The following CKAP5 variants were observed in gnomAD, a reference collection of about 807,000 sequenced individuals.
CKAP5 encodes cytoskeleton associated protein 5, also known as cytoskeleton-associated protein 5.
Under a neutral mutation model 232.8 loss-of-function variants are expected in CKAP5, and 27 were observed. That is an observed-to-expected ratio of 0.12 (90% confidence interval 0.09 to 0.16). The LOEUF (loss-of-function observed/expected upper bound fraction) is 0.16, where lower values mean the gene tolerates loss of function less well. Among genes scored for constraint, CKAP5 ranks in the 10% least tolerant of loss-of-function variants. The pLI is 1.00. For missense variants in CKAP5, 1,838 were observed against 2,424.7 expected (o/e 0.76, Z 5.08); for synonymous variants, 785 against 841.1 (o/e 0.93, Z 1.16).
At chr11:46,779,519 CAG>C (rs1378563340) in intron 20 of CKAP5, among the ~76,000 whole-genome samples, 1 of 152,094 alleles carries the variant, frequency 6.6e-6, no homozygotes. Flanking sequence ...TCCAGAAAGA[CAG>C]AGTCTCAGTA....
intron 28 of CKAP5, 58 bp from the exon 29 acceptor site, chr11:46,763,688 G>A: frequency 4.9e-6 from 6 of 1,236,356 alleles, no homozygotes; most frequent in Non-Finnish European, 6.5e-6. Context: ...ATGAGGTAGA[G>A]AGCCTTATAT....
rs746524477 is a variant in CKAP5, at chr11:46,770,080, C to T, written c.3205G>A (p.Val1069Ile). ...GKLKPTSKDQVLAMLEKAKVN... is the reference protein window; with the variant it reads ...GKLKPTSKDQILAMLEKAKVN... ...TTGGCTTTCTCTAGCATGGCCAATA[C>T]CTGATCTTTAGAAGTTGGCTAGAGA... Residue 1069 changes from valine to isoleucine, a missense_variant, in exon 26 of 44, where the codon GTA (valine) becomes ATA (isoleucine). Val to Ile is a conservative substitution (Grantham distance 29). This residue lies in a region of CKAP5 where 767 missense variants were observed against 954.6 expected (regional missense o/e 0.80). Coordinates refer to ENST00000529230, the MANE Select transcript of CKAP5 (RefSeq NM_001008938.4). 6.2e-7 allele frequency: 1 copy of T among 1,614,032 alleles called. No homozygotes were observed. Among genetic ancestry groups the T allele is most frequent in the Non-Finnish European group, 8.5e-7 (1 of 1,179,952 alleles).
chr11:46,776,794 G>A (rs1352061984), intron 23 of CKAP5, among the ~76,000 whole-genome samples: 1 of 151,272 alleles, frequency 6.6e-6, no homozygotes, highest in Non-Finnish European at 1.5e-5. Context: ...CTGAAAATTA[G>A]TTATATTTTT....
chr11:46,793,635 C>T (rs1938794720), intron 13 of CKAP5, among the ~76,000 whole-genome samples: 1 of 152,198 alleles, frequency 6.6e-6, no homozygotes, highest in African/African-American at 2.4e-5. Flanking sequence ...AAAATATACT[C>T]CTCCTGGCTG....
chr11:46,763,348 A>C, intron 29 of CKAP5, 133 bp downstream of exon 29: 1 of 990,496 alleles, frequency 1.0e-6, no homozygotes, highest in South Asian at 1.7e-5. Context: ...ATTCTACCAA[A>C]TAACAAGACA....
At chr11:46,832,978 C>T (rs1939827102) in intron 1 of CKAP5, among the ~76,000 whole-genome samples, 1 of 151,754 alleles carries the variant, frequency 6.6e-6, no homozygotes, top group African/African-American at 2.4e-5. Flanking sequence ...AATTTTTTTT[C>T]CCACAAATAT....
At chr11:46,825,397 T>G (rs964804961) in intron 1 of CKAP5, among the ~76,000 whole-genome samples, 5 of 152,226 alleles carry the variant, frequency 3.3e-5, no homozygotes, top group Admixed American at 2.0e-4. Context: ...TCTGTCTCTC[T>G]TCCCTACAAC....
intron 26 of CKAP5, 101 bp downstream of exon 26, chr11:46,769,862 C>T (rs2065233473): frequency 5.4e-6 from 7 of 1,305,846 alleles, no homozygotes; most frequent in South Asian, 3.9e-5. Flanking sequence ...CTTGGATCTA[C>T]GCTGTAAGGA....
rs202222012 is a variant in CKAP5 at position 46,767,679 on chromosome 11, T to A, written c.3323-16A>T. On this transcript the variant is annotated splice_polypyrimidine_tract_variant and intron_variant, in intron 26 of 43. Coordinates refer to ENST00000529230, the MANE Select transcript of CKAP5 (RefSeq NM_001008938.4). ...TCAGCAGGTGCTTTGAGGAAAAAAA[T>A]ATATATATACTATAAACTTTAACTA... 90 of 1,508,436 alleles carry A rather than the reference T, an allele frequency of 6.0e-5. No homozygotes were observed. The highest frequency in any genetic ancestry group is 1.2e-4 in the African/African-American group (9 of 72,292). 93.4% of individuals were successfully genotyped at this position (1,508,436 alleles called of 1,614,324 possible).
rs769801478 is a variant in CKAP5 at position 46,753,508 on chromosome 11, A to G, written c.4870-11T>C. ...CTCTATCTGAAACAGCTATCCAGAC[A>G]TACTTGTGTCAGGGAGGTGTAAAAC... On this transcript the variant is annotated splice_polypyrimidine_tract_variant and intron_variant, in intron 36 of 43. Transcript: ENST00000529230. 3.1e-6 allele frequency: 5 copies of G among 1,597,354 alleles called. No homozygotes were observed. Among genetic ancestry groups the G allele is most frequent in the Non-Finnish European group, 2.6e-6 (3 of 1,172,980 alleles).
At chr11:46,820,228 G>A (rs929202405) in intron 2 of CKAP5, among the ~76,000 whole-genome samples, 3 of 152,016 alleles carry the variant, frequency 2.0e-5, no homozygotes, top group South Asian at 2.1e-4. Context: ...ATTTCTATGC[G>A]AATTAGAATA....
chr11:46,755,861 G>A (rs971510429), intron 35 of CKAP5, among the ~76,000 whole-genome samples: 17 of 152,022 alleles, frequency 1.1e-4, no homozygotes, highest in Admixed American at 1.0e-3. Context: ...CCCAGGAGGC[G>A]GAGGATGCAG....
At chr11:46,784,874 G>A (rs1018191882) in intron 16 of CKAP5, among the ~76,000 whole-genome samples, 2 of 151,990 alleles carry the variant, frequency 1.3e-5, no homozygotes, top group African/African-American at 4.8e-5. Context: ...AGTGAAGAGA[G>A]GGAAAAAAAG....
At chr11:46,810,129 A>T (rs1486150321) in intron 5 of CKAP5, among the ~76,000 whole-genome samples, 2 of 152,024 alleles carry the variant, frequency 1.3e-5, no homozygotes, top group East Asian at 3.9e-4. Flanking sequence ...GCACTACCAC[A>T]TCCGGCTAAT....
intron 13 of CKAP5, among the ~76,000 whole-genome samples, chr11:46,792,348 T>C (rs1260385087): frequency 6.6e-6 from 1 of 151,032 alleles, no homozygotes; most frequent in East Asian, 1.9e-4. Context: ...AGGTCAGGAG[T>C]TTGAGACCAG....
chr11:46,761,294 G>A lies in CKAP5; in HGVS notation c.4222-510C>T, dbSNP rs554640895. On this transcript the variant is annotated intron_variant, in intron 32 of 43. Coordinates refer to ENST00000529230, the MANE Select transcript of CKAP5 (RefSeq NM_001008938.4). ...ACGATAAAAAAAAGAAAGCCAATTA[G>A]TAACTACAAATAAAAAGGTCAAAAA... Among the ~76,000 whole-genome samples, 4 of 149,616 alleles carry A rather than the reference G, an allele frequency of 2.7e-5. No individual in the cohort carries two copies. The South Asian group carries it at 8.6e-4, about 32-fold the overall frequency.
At chr11:46,844,636 T>A (rs936484492) in intron 1 of CKAP5, among the ~76,000 whole-genome samples, 3 of 152,194 alleles carry the variant, frequency 2.0e-5, no homozygotes, top group African/African-American at 7.2e-5. Context: ...AACAGCCTTT[T>A]AAAAAATTTT....
intron 13 of CKAP5, among the ~76,000 whole-genome samples, chr11:46,792,492 G>T (rs1938753769): frequency 6.6e-6 from 1 of 152,046 alleles, no homozygotes; most frequent in African/African-American, 2.4e-5. Context: ...GGCAGAGGTT[G>T]CAGTGAGATG....
chr11:46,803,175 A>G (rs1363400037), intron 8 of CKAP5, among the ~76,000 whole-genome samples: 1 of 151,856 alleles, frequency 6.6e-6, no homozygotes, highest in African/African-American at 2.4e-5. Flanking sequence ...GAGGTAGGAG[A>G]ATCTCTTGAA....
Sources: gnomAD v4.1 joint callset for allele counts (sites outside exome capture counted in the v4.1 genomes callset) on GRCh38, gnomAD v4.1.1 for gene constraint, gnomAD v4.1.1 regional missense constraint, MANE v1.5 for transcripts, NCBI Gene and HGNC (gene_info 2026-07-23, HGNC 2026-07-21) for gene names.